TBC1D16: variants seen among roughly 807,000 people sequenced by gnomAD.
TBC1D16 encodes CTD-2529O21.1.
Under a neutral mutation model 74.7 loss-of-function variants are expected in TBC1D16, and 58 were observed. The ratio of observed to expected loss-of-function variants is 0.78; its 90% CI spans 0.63 to 0.97. The LOEUF (loss-of-function observed/expected upper bound fraction) is 0.97. Among genes scored for constraint, TBC1D16 ranks in the 50% least tolerant of loss-of-function variants. The pLI is 0.00. For synonymous variants in TBC1D16, 493 were observed against 474.7 expected (o/e 1.04, Z -0.50); for missense variants, 1,014 against 1,079.5 (o/e 0.94, Z 0.85).
At position 79,950,916 on chromosome 17, in the gene TBC1D16, G is replaced by T; in HGVS notation, c.1090-338C>A. 1 of 1,383,298 alleles carries T rather than the reference G, an allele frequency of 7.2e-7. No homozygotes were observed. Among genetic ancestry groups the T allele is most frequent in the Non-Finnish European group, 9.7e-7 (1 of 1,035,578 alleles). The allele number at this position is 1,383,298 out of a possible 1,614,324, so 85.7% of individuals were successfully genotyped here. A position where few individuals can be genotyped will look rare whatever the true frequency, so the allele number is the denominator to read the frequency against. ...GGCCTGCAATGAATTACATGTGATT[G>T]GCCACATACAAAGGGATCGCTGTTC... On this transcript the variant is annotated intron_variant, in intron 5 of 11. Coordinates refer to ENST00000310924, the MANE Select transcript of TBC1D16 (RefSeq NM_019020.4). This position sits in a 1 kb window ranked among gnomAD's most constrained non-coding sequence, Gnocchi z 4.6.
chr17:79,948,595 GGTTA>G (rs1281271711), intron 8 of TBC1D16, among the ~76,000 whole-genome samples: 3 of 152,194 alleles, frequency 2.0e-5, no homozygotes, highest in Non-Finnish European at 4.4e-5. Flanking sequence ...GCTGGTCCAT[GGTTA>G]GTGTGAGCCA....
In TBC1D16 at chr17:79,944,070, C is replaced by T. The variant is rs759938949; in HGVS notation, c.1908+838G>A. ...AAAGGCGGCGTGTGGTACCGGCACT[C>T]GGTGGCTTCAGACTCGCTTTCATCA... On this transcript the variant is annotated intron_variant, in intron 10 of 11. Coordinates refer to ENST00000310924, the MANE Select transcript of TBC1D16 (RefSeq NM_019020.4). The surrounding 1 kb of genome is among the most constrained non-coding windows in gnomAD (Gnocchi z 7.7). 1.4e-5 allele frequency: 21 copies of T among 1,536,008 alleles called. No homozygotes were observed. The highest frequency in any genetic ancestry group is 7.1e-5 in the South Asian group (6 of 84,052).
rs547967110 is a variant in TBC1D16, at chr17:80,017,961, C to G, written c.-62-4352G>C. Among the ~76,000 whole-genome samples, 5 of 152,178 alleles carry G rather than the reference C, an allele frequency of 3.3e-5. No individual in the cohort carries two copies. The South Asian group carries it at 1.0e-3, about 32-fold the overall frequency. ...ATTAAAAAAATCACACTGCAAACTA[C>G]AAATCAAAAAACATATTGTCCTTCC... On this transcript the variant is annotated intron_variant, in intron 1 of 11. Transcript: ENST00000310924.
At chr17:80,034,848 C>G (rs1274265291) in intron 1 of TBC1D16, among the ~76,000 whole-genome samples, 1 of 152,214 alleles carries the variant, frequency 6.6e-6, no homozygotes, top group Non-Finnish European at 1.5e-5. Context: ...AATATGCCGC[C>G]TCACGTGAGC....
intron 1 of TBC1D16, among the ~76,000 whole-genome samples, chr17:80,024,295 C>T (rs1363994227): frequency 1.0e-4 from 1 of 9,978 alleles, no homozygotes; most frequent in Non-Finnish European, 2.5e-4. Flanking sequence ...GCACACACAC[C>T]ATAGACCCCA....
At chr17:80,021,280 C>A (rs1211721029) in intron 1 of TBC1D16, among the ~76,000 whole-genome samples, 2 of 149,104 alleles carry the variant, frequency 1.3e-5, no homozygotes, top group African/African-American at 2.6e-5. Flanking sequence ...AACAAACCAG[C>A]CTGGGCAACA....
chr17:80,010,082 T>A lies in TBC1D16; in HGVS notation c.779+78A>T. ...TCCAGCGCTCACCTGGCATCACAGG[T>A]GACGCAGGTGAGTGCTTCCTGCCCA... On this transcript the variant is annotated intron_variant, in intron 3 of 11. Transcript: ENST00000310924. This position sits in a 1 kb window ranked among gnomAD's most constrained non-coding sequence, Gnocchi z 8.8. 2.5e-6 allele frequency: 3 copies of A among 1,194,108 alleles called. No individual in the cohort carries two copies. The highest frequency in any genetic ancestry group is 3.5e-6 in the Non-Finnish European group (3 of 858,122). 74.0% of individuals were successfully genotyped at this position (1,194,108 alleles called of 1,614,324 possible).
Position 80,008,669 on chromosome 17 carries a change from GGCGCCTGAC to G in TBC1D16, c.779+1482_779+1490del, listed in dbSNP as rs938088547. Among the ~76,000 whole-genome samples, 1 of 152,178 alleles carries G rather than the reference GGCGCCTGAC, an allele frequency of 6.6e-6. No homozygotes were observed. Among genetic ancestry groups the G allele is most frequent in the African/African-American group, 2.4e-5 (1 of 41,432 alleles). ...TCCCCCACACCTCCTCGGGTTCCCT[GGCGCCTGAC>G]GCCACCCAGCTCAGCAAGCCTCCTG... On this transcript the variant is annotated intron_variant, in intron 3 of 11. Transcript: ENST00000310924. This position sits in a 1 kb window ranked among gnomAD's most constrained non-coding sequence, Gnocchi z 4.5.
Position 79,986,557 on chromosome 17 carries a change from C to T in TBC1D16, c.779+23603G>A, listed in dbSNP as rs571897553. Among the ~76,000 whole-genome samples the T allele has an allele frequency of 2.6e-5, 4 of 152,314 alleles. No individual in the cohort carries two copies. The highest frequency in any genetic ancestry group is 2.1e-4 in the South Asian group (1 of 4,824). On this transcript the variant is annotated intron_variant, in intron 3 of 11. Transcript: ENST00000310924. This position sits in a 1 kb window ranked among gnomAD's most constrained non-coding sequence, Gnocchi z 6.0. ...CAGAAAAGGCCAAAGAGAGACCACACGTGCCGCCCCCTGCCGAAGCCTGGC... is the reference window on the plus strand; with the variant it reads ...CAGAAAAGGCCAAAGAGAGACCACATGTGCCGCCCCCTGCCGAAGCCTGGC...
rs538741532 is a variant in TBC1D16 at position 79,971,458 on chromosome 17, G to A, written c.780-18640C>T. Among the ~76,000 whole-genome samples, 250 of 152,188 alleles carry A rather than the reference G, an allele frequency of 1.6e-3. No individual in the cohort carries two copies. Among genetic ancestry groups the A allele is most frequent in the African/African-American group, 5.8e-3 (240 of 41,522 alleles). ...CTGTCCCCCAGGTCATCCTGGTCTGGAAGCCCTGTCCCCCAGGTCATCCTG... is the reference window on the plus strand; with the variant it reads ...CTGTCCCCCAGGTCATCCTGGTCTGAAAGCCCTGTCCCCCAGGTCATCCTG... On this transcript the variant is annotated intron_variant, in intron 3 of 11. Coordinates refer to ENST00000310924, the MANE Select transcript of TBC1D16 (RefSeq NM_019020.4). This position sits in a 1 kb window ranked among gnomAD's most constrained non-coding sequence, Gnocchi z 4.6.
rs142388759 is a variant in TBC1D16 at position 79,972,473 on chromosome 17, G to A, written c.780-19655C>T. ...TGGGATTGCAGGTGTGAGCCACTGC[G>A]CCCTGCTAAAAAGGAAGGAGATTCT... On this transcript the variant is annotated intron_variant, in intron 3 of 11. Transcript: ENST00000310924. Among the ~76,000 whole-genome samples, 50 of 152,240 alleles carry A rather than the reference G, an allele frequency of 3.3e-4. No homozygotes were observed. The East Asian group carries it at 8.9e-3, about 27-fold the overall frequency.
intron 1 of TBC1D16, among the ~76,000 whole-genome samples, chr17:80,021,520 C>T (rs866306586): frequency 4.0e-5 from 6 of 149,680 alleles, no homozygotes; most frequent in Middle Eastern, 3.4e-3. Flanking sequence ...TTTCTGCTGG[C>T]GTGGTGGAAT....
intron 3 of TBC1D16, among the ~76,000 whole-genome samples, chr17:79,968,562 AAG>A (rs1378839330): frequency 2.6e-5 from 4 of 152,198 alleles, no homozygotes. Flanking sequence ...CAACACTATC[AAG>A]AGAGTGAGGC....
rs902115942 is a variant in TBC1D16, at chr17:79,934,794, G to A, written c.*6065C>T. On this transcript the variant is annotated 3_prime_UTR_variant, in exon 12 of 12. Transcript: ENST00000310924. The stretch of plus-strand genomic sequence containing the variant: ...GGTGAGACAGGCCCTTCAGACATGA[G>A]ACCCGAGTGATGTAGATAAGAGGTA... 5 of 152,442 alleles carry A rather than the reference G, an allele frequency of 3.3e-5. No homozygotes were observed. Among genetic ancestry groups the A allele is most frequent in the African/African-American group, 7.2e-5 (3 of 41,468 alleles). 9.4% of individuals were successfully genotyped at this position (152,442 alleles called of 1,614,324 possible). A position where few individuals can be genotyped will look rare whatever the true frequency, so the allele number is the denominator to read the frequency against.
At chr17:79,955,540 A>G (rs2033296798) in intron 3 of TBC1D16, among the ~76,000 whole-genome samples, 1 of 152,262 alleles carries the variant, frequency 6.6e-6, no homozygotes, top group East Asian at 1.9e-4. Flanking sequence ...CTACACACGT[A>G]AAGCAATTTA....
Position 79,983,862 on chromosome 17 carries a change from TA to T in TBC1D16, c.779+26297del, listed in dbSNP as rs1034579622. 6.6e-6 allele frequency among the ~76,000 whole-genome samples: 1 copy of T among 152,014 alleles called. No homozygotes were observed. Among genetic ancestry groups the T allele is most frequent in the Non-Finnish European group, 1.5e-5 (1 of 67,996 alleles). On this transcript the variant is annotated intron_variant, in intron 3 of 11. Coordinates refer to ENST00000310924, the MANE Select transcript of TBC1D16 (RefSeq NM_019020.4). This position sits in a 1 kb window ranked among gnomAD's most constrained non-coding sequence, Gnocchi z 5.6. ...GGCATGTATCAAATATGACAAAATTTAAAAAAAATTTAAATTTATTTAGAGA... is the reference window on the plus strand; with the variant it reads ...GGCATGTATCAAATATGACAAAATTTAAAAAAATTTAAATTTATTTAGAGA...
In TBC1D16 at chr17:79,950,367, C is replaced by T; in HGVS notation, c.1257+44G>A. 2 of 1,542,376 alleles carry T rather than the reference C, an allele frequency of 1.3e-6. No individual in the cohort carries two copies. The highest frequency in any genetic ancestry group is 1.7e-6 in the Non-Finnish European group (2 of 1,147,018). Reference sequence around the variant, plus strand: ...TTCCCTCTCGCTCGTTCCCGGTTCCCGGCCGGCTCTCCGCGGGGCCAGCTG... The same window carrying T: ...TTCCCTCTCGCTCGTTCCCGGTTCCTGGCCGGCTCTCCGCGGGGCCAGCTG... On this transcript the variant is annotated intron_variant, in intron 6 of 11. Transcript: ENST00000310924. The surrounding 1 kb of genome is among the most constrained non-coding windows in gnomAD (Gnocchi z 4.6).
Position 79,980,394 on chromosome 17 carries a change from G to A in TBC1D16, c.780-27576C>T, listed in dbSNP as rs929672259. Among the ~76,000 whole-genome samples the A allele has an allele frequency of 1.3e-5, 2 of 152,076 alleles. No homozygotes were observed. Among genetic ancestry groups the A allele is most frequent in the Admixed American group, 6.6e-5 (1 of 15,264 alleles). On this transcript the variant is annotated intron_variant, in intron 3 of 11. Transcript: ENST00000310924. The surrounding 1 kb of genome is among the most constrained non-coding windows in gnomAD (Gnocchi z 7.0). ...CAAGCCGGAGCTTTCCTTCCTTCCC[G>A]GAGGAACAAGACACTAAGAAGAGGT...
At position 80,010,032 on chromosome 17, in the gene TBC1D16, G is replaced by C. The variant is rs1379267196; in HGVS notation, c.779+128C>G. ...GGCTCCTGCCACAGCCACGGCCACAGCCGCGGGCAGGTCGGGCAGATGCCT... is the reference window on the plus strand; with the variant it reads ...GGCTCCTGCCACAGCCACGGCCACACCCGCGGGCAGGTCGGGCAGATGCCT... On this transcript the variant is annotated intron_variant, in intron 3 of 11. Transcript: ENST00000310924. This position sits in a 1 kb window ranked among gnomAD's most constrained non-coding sequence, Gnocchi z 8.8. 1 of 806,584 alleles carries C rather than the reference G, an allele frequency of 1.2e-6. No individual in the cohort carries two copies. The highest frequency in any genetic ancestry group is 1.9e-6 in the Non-Finnish European group (1 of 522,272). 50.0% of individuals were successfully genotyped at this position (806,584 alleles called of 1,614,324 possible).
Sources: gnomAD v4.1 joint callset for allele counts (sites outside exome capture counted in the v4.1 genomes callset) on GRCh38, gnomAD v4.1.1 for gene constraint, Gnocchi (gnomAD v3.1) non-coding constraint, MANE v1.5 for transcripts, NCBI Gene and HGNC (gene_info 2026-07-23, HGNC 2026-07-21) for gene names.